The following UVRAG variants were observed in gnomAD, a reference collection of about 807,000 sequenced individuals.
UVRAG encodes UV radiation resistance associated.
UVRAG carries 19 observed loss-of-function variants against 78.0 expected under a neutral mutation model. That is an observed-to-expected ratio of 0.24 (90% confidence interval 0.17 to 0.36). The LOEUF (loss-of-function observed/expected upper bound fraction) is 0.36, where lower values mean the gene tolerates loss of function less well. Ranked by LOEUF, UVRAG falls within the 10% of genes least tolerant of loss-of-function variation. The probability of loss-of-function intolerance (pLI) is 1.00; values close to 1 mark genes in which losing one functional copy is unlikely to be tolerated. For synonymous variants in UVRAG, 323 were observed against 324.6 expected (o/e 1.00, Z 0.05); for missense variants, 740 against 853.8 (o/e 0.87, Z 1.66).
At chr11:76,072,912 G>A (rs577649539) in intron 13 of UVRAG, among the ~76,000 whole-genome samples, 1 of 152,272 alleles carries the variant, frequency 6.6e-6, no homozygotes, top group African/African-American at 2.4e-5. Context: ...GTAGGTCTGG[G>A]AGGGCGGAAT....
chr11:76,009,119 ACAGT>A (rs766518260), intron 11 of UVRAG, among the ~76,000 whole-genome samples: 2 of 152,156 alleles, frequency 1.3e-5, no homozygotes, highest in Admixed American at 6.5e-5. Flanking sequence ...AGCAAATTAG[ACAGT>A]CAGGTTCTTA....
At chr11:75,849,173 C>T (rs1032440442) in intron 1 of UVRAG, among the ~76,000 whole-genome samples, 2 of 150,554 alleles carry the variant, frequency 1.3e-5, no homozygotes, top group Admixed American at 6.6e-5. Flanking sequence ...GAGCGAGACT[C>T]CCTCTCAAAA....
intron 6 of UVRAG, among the ~76,000 whole-genome samples, chr11:75,930,351 G>GT (rs1948208295): frequency 6.6e-6 from 1 of 151,756 alleles, no homozygotes; most frequent in South Asian, 2.1e-4. Context: ...TTTCTTTTTT[G>GT]TTGATTATTT....
At chr11:76,064,934 G>C (rs1056631354) in intron 12 of UVRAG, among the ~76,000 whole-genome samples, 6 of 152,210 alleles carry the variant, frequency 3.9e-5, no homozygotes, top group African/African-American at 1.4e-4. Flanking sequence ...TGTATCAGAT[G>C]CTAAAACTTT....
chr11:76,079,503 G>C (rs868327121), intron 13 of UVRAG, among the ~76,000 whole-genome samples: 15 of 151,276 alleles, frequency 9.9e-5, no homozygotes, highest in African/African-American at 3.4e-4. Flanking sequence ...AAAAAAAAAA[G>C]ATTAAGATGA....
In UVRAG at chr11:75,889,131, G is replaced by A. The variant is rs370552039; in HGVS notation, c.507+228G>A. ...CCAGATTATATTAATTTTTCTACAG[G>A]AAATCTGGAGCTAGCTGTTTTCTCT... On this transcript the variant is annotated intron_variant, in intron 5 of 14. Transcript: ENST00000356136. Among the ~76,000 whole-genome samples the A allele has an allele frequency of 3.9e-4, 59 of 152,278 alleles. 2 individuals are homozygous for A. The South Asian group carries it at 0.012, about 31-fold the overall frequency.
chr11:75,996,449 G>A (rs750907136), intron 8 of UVRAG, among the ~76,000 whole-genome samples: 3 of 152,158 alleles, frequency 2.0e-5, no homozygotes, highest in Non-Finnish European at 4.4e-5. Context: ...TGATAAATAT[G>A]TAACCGAAGT....
At chr11:76,039,532 C>T (rs7112734) in intron 12 of UVRAG, among the ~76,000 whole-genome samples, 20,414 of 152,118 alleles carry the variant, frequency 0.13, 3,535 homozygotes, top group African/African-American at 0.4. Context: ...GGAAAAAAAG[C>T]TTACAAACTG....
chr11:75,883,712 G>C (rs766832973), intron 4 of UVRAG, among the ~76,000 whole-genome samples: 1 of 152,162 alleles, frequency 6.6e-6, no homozygotes, highest in Non-Finnish European at 1.5e-5. Flanking sequence ...TGTGAGAGTC[G>C]TACGGGGAAG....
chr11:75,920,880 C>T (rs1231709452), intron 6 of UVRAG, among the ~76,000 whole-genome samples: 5 of 152,182 alleles, frequency 3.3e-5, no homozygotes, highest in African/African-American at 1.2e-4. Context: ...ATACATTCCT[C>T]TAATTCACTT....
At chr11:75,976,356 T>C (rs1160231587) in intron 7 of UVRAG, among the ~76,000 whole-genome samples, 4 of 152,216 alleles carry the variant, frequency 2.6e-5, no homozygotes, top group African/African-American at 9.6e-5. Flanking sequence ...TGCCAGGCTT[T>C]GGTATCAGGA....
intron 1 of UVRAG, among the ~76,000 whole-genome samples, chr11:75,845,301 A>ATAAT (rs1946010083): frequency 1.3e-5 from 2 of 152,356 alleles, no homozygotes; most frequent in South Asian, 4.1e-4. Context: ...ACCTGAAGCT[A>ATAAT]CCACTGTAGT....
At chr11:75,963,387 T>G (rs1948946887) in intron 7 of UVRAG, among the ~76,000 whole-genome samples, 1 of 152,208 alleles carries the variant, frequency 6.6e-6, no homozygotes, top group African/African-American at 2.4e-5. Flanking sequence ...CATTTGACAA[T>G]AGAGATGGAT....
intron 12 of UVRAG, among the ~76,000 whole-genome samples, chr11:76,026,145 C>T (rs1591148420): frequency 6.6e-6 from 1 of 151,986 alleles, no homozygotes; most frequent in East Asian, 1.9e-4. Context: ...AATTAGAATA[C>T]CTTGAGCTTT....
chr11:76,113,006 C>T (rs1020125808), intron 13 of UVRAG, among the ~76,000 whole-genome samples: 13 of 152,136 alleles, frequency 8.5e-5, no homozygotes, highest in African/African-American at 3.1e-4. Context: ...GCCACCACAC[C>T]TGGCCAGTTT....
In UVRAG at chr11:76,116,015, G is replaced by A. The variant is rs370975753; in HGVS notation, c.1397G>A (p.Cys466Tyr). 35 of 1,613,326 alleles carry A rather than the reference G, an allele frequency of 2.2e-5. No homozygotes were observed. Among genetic ancestry groups the A allele is most frequent in the Non-Finnish European group, 2.9e-5 (34 of 1,179,562 alleles). ...ATGGAGCATGGACTAATGGTCAGGT[G>A]GTGAGTACCTTTATCTCTGATAACC... ...NFMEHGLMVR[C>Y]DRHHTSSAIP... Residue 466 changes from cysteine (C) to tyrosine (Y), a missense_variant and splice_region_variant, in exon 14 of 15, where the codon TGT (cysteine) becomes TAT (tyrosine). Cys to Tyr is a radical substitution (Grantham distance 194). Transcript: ENST00000356136.
At chr11:76,016,390 T>G (rs1042532910) in intron 11 of UVRAG, among the ~76,000 whole-genome samples, 3 of 152,146 alleles carry the variant, frequency 2.0e-5, no homozygotes, top group African/African-American at 7.2e-5. Flanking sequence ...ATAGTACAAC[T>G]ATATTGTCTA....
intron 3 of UVRAG, among the ~76,000 whole-genome samples, chr11:75,877,713 G>A (rs561290264): frequency 1.3e-3 from 184 of 141,816 alleles, no homozygotes; most frequent in Admixed American, 5.7e-3. Flanking sequence ...CCTCCTGGAC[G>A]GGGCGGCTGG....
chr11:75,947,026 T>C (rs920826046), intron 6 of UVRAG, among the ~76,000 whole-genome samples: 10 of 152,168 alleles, frequency 6.6e-5, no homozygotes, highest in Non-Finnish European at 1.5e-5. Context: ...TCACATAGCC[T>C]TTCCTTCTTG....
Sources: allele counts gnomAD v4.1 joint callset (sites outside exome capture counted in the v4.1 genomes callset), GRCh38; gene constraint gnomAD v4.1.1; transcripts MANE v1.5; gene names NCBI Gene and HGNC (gene_info 2026-07-23, HGNC 2026-07-21).